The following DRC9 variants were observed in gnomAD, a reference collection of about 807,000 sequenced individuals.
DRC9 encodes dynein regulatory complex protein 9.
the DRC9 span, among the ~76,000 whole-genome samples, chr3:197,942,023 T>C: frequency 6.6e-6 from 1 of 152,146 alleles, no homozygotes; most frequent in African/African-American, 2.4e-5. Flanking sequence ...CATTATACAA[T>C]TCCTGTGATA....
At chr3:197,910,982 C>CAAAAAAAAAAAAAAAA in the DRC9 span, among the ~76,000 whole-genome samples, 3 of 61,504 alleles carry the variant, frequency 4.9e-5, no homozygotes, top group African/African-American at 5.4e-5. Context: ...AAAAACAAAA[C>CAAAAAAAAAAAAAAAA]AAAAAAAAAA....
the DRC9 span, chr3:197,892,481 G>A: frequency 1.1e-6 from 1 of 928,664 alleles, no homozygotes; most frequent in African/African-American, 1.6e-5. Flanking sequence ...AGCTACTGTG[G>A]CCTATTTGCC....
At chr3:197,890,496 C>T in the DRC9 span, among the ~76,000 whole-genome samples, 1 of 151,348 alleles carries the variant, frequency 6.6e-6, no homozygotes, top group Non-Finnish European at 1.5e-5. Flanking sequence ...CTTAAAAGAT[C>T]AGTTGTCCTA....
chr3:197,921,507 G>A, the DRC9 span, among the ~76,000 whole-genome samples: 12 of 137,600 alleles, frequency 8.7e-5, 1 homozygote, highest in Non-Finnish European at 1.5e-4. Context: ...GTTTCTTCTT[G>A]GTCGACCCGA....
chr3:197,945,043 G>A, the DRC9 span, among the ~76,000 whole-genome samples: 1 of 152,144 alleles, frequency 6.6e-6, no homozygotes, highest in Non-Finnish European at 1.5e-5. Flanking sequence ...CTCCAAGGTG[G>A]CCCAAATGAT....
the DRC9 span, chr3:197,950,965 A>G: frequency 9.9e-6 from 16 of 1,614,056 alleles, no homozygotes; most frequent in East Asian, 1.3e-4. Context: ...TCTAAAAGGA[A>G]CTATGTCTGG....
the DRC9 span, among the ~76,000 whole-genome samples, chr3:197,897,899 T>C: frequency 6.6e-6 from 1 of 150,790 alleles, no homozygotes; most frequent in Non-Finnish European, 1.5e-5. Flanking sequence ...GCCTCCCGAG[T>C]AGCTGGGACT....
chr3:197,945,016 A>C, the DRC9 span, among the ~76,000 whole-genome samples: 1 of 152,214 alleles, frequency 6.6e-6, no homozygotes, highest in African/African-American at 2.4e-5. Context: ...AGTGAAAAAC[A>C]GAATGTGGTA....
At chr3:197,905,149 A>G in the DRC9 span, among the ~76,000 whole-genome samples, 1 of 152,170 alleles carries the variant, frequency 6.6e-6, no homozygotes, top group African/African-American at 2.4e-5. Context: ...GAAAGAATGA[A>G]TAAGACCCAG....
chr3:197,893,687 CAA>C, the DRC9 span, among the ~76,000 whole-genome samples: 7 of 124,308 alleles, frequency 5.6e-5, no homozygotes, highest in Admixed American at 1.6e-4. Context: ...ACTAAAACTA[CAA>C]AAAAAAAAAA....
At chr3:197,904,067 C>T in the DRC9 span, among the ~76,000 whole-genome samples, 3 of 34,124 alleles carry the variant, frequency 8.8e-5, no homozygotes, top group South Asian at 3.1e-3. Flanking sequence ...TATATATATA[C>T]ATACATATAT....
chr3:197,934,092 CTATT>C, the DRC9 span, among the ~76,000 whole-genome samples: 2 of 144,944 alleles, frequency 1.4e-5, no homozygotes, highest in Non-Finnish European at 3.0e-5. Flanking sequence ...ATTGATCTTT[CTATT>C]TATTTATTTT....
chr3:197,917,190 G>A, the DRC9 span, among the ~76,000 whole-genome samples: 808 of 152,286 alleles, frequency 5.3e-3, 9 homozygotes, highest in African/African-American at 0.019. Context: ...GGTGGCATGC[G>A]CCTGTAGTCC....
chr3:197,889,610 G>GCCTTTA, the DRC9 span: 4 of 1,614,146 alleles, frequency 2.5e-6, no homozygotes, highest in South Asian at 3.3e-5. Flanking sequence ...TCTTATCCTT[G>GCCTTTA]CCTTTACCTT....
the DRC9 span, chr3:197,943,819 T>C: frequency 6.2e-7 from 1 of 1,614,114 alleles, no homozygotes; most frequent in Non-Finnish European, 8.5e-7. Flanking sequence ...ACGGGCATGA[T>C]GTAGTTCAGA....
the DRC9 span, among the ~76,000 whole-genome samples, chr3:197,924,177 G>A: frequency 0.25 from 37,655 of 151,458 alleles, 5,847 homozygotes; most frequent in African/African-American, 0.45. Context: ...TCAACATGGT[G>A]AAACCCCGTC....
At chr3:197,946,193 T>C in the DRC9 span, among the ~76,000 whole-genome samples, 1 of 152,114 alleles carries the variant, frequency 6.6e-6, no homozygotes, top group Non-Finnish European at 1.5e-5. Context: ...CCCAGCACTC[T>C]GGGAGGCCGA....
the DRC9 span, chr3:197,914,163 G>A: frequency 3.7e-4 from 309 of 824,082 alleles, no homozygotes; most frequent in Non-Finnish European, 5.6e-4. Flanking sequence ...CTATTTTTCC[G>A]CTGTCACACA....
the DRC9 span, among the ~76,000 whole-genome samples, chr3:197,896,119 G>C: frequency 1.3e-5 from 2 of 151,024 alleles, no homozygotes; most frequent in African/African-American, 4.9e-5. Context: ...AAGGCGGGCA[G>C]ATCACCTGAG....
Sources: allele counts gnomAD v4.1 joint callset (sites outside exome capture counted in the v4.1 genomes callset), GRCh38; gene constraint gnomAD v4.1.1; transcripts MANE v1.5; gene names NCBI Gene and HGNC (gene_info 2026-07-23, HGNC 2026-07-21).